Variants in BRINP2 observed in about 807,000 individuals in gnomAD.
The protein encoded by BRINP2 is BMP/retinoic acid inducible neural specific 2, also known as BMP/retinoic acid-inducible neural-specific protein 2.
Under a neutral mutation model 69.2 loss-of-function variants are expected in BRINP2, and 21 were observed. That is an observed-to-expected ratio of 0.30 (90% CI 0.22 to 0.44). BRINP2 has a LOEUF of 0.44. BRINP2 is among the 20% of genes least tolerant of loss of function. The pLI, the probability that BRINP2 is intolerant of heterozygous loss-of-function variation, is 1.00. For synonymous variants in BRINP2, 380 were observed against 394.1 expected (o/e 0.96, Z 0.42); for missense variants, 877 against 986.0 (o/e 0.89, Z 1.48).
chr1:177,190,829 T>C (rs1648573785), intron 1 of BRINP2, among the ~76,000 whole-genome samples: 1 of 152,236 alleles, frequency 6.6e-6, no homozygotes, highest in Non-Finnish European at 1.5e-5. Context: ...TTAACAGATC[T>C]AAGCCTCTTC....
At chr1:177,257,435 CA>C (rs1443972465) in intron 4 of BRINP2, 51 bp downstream of exon 4, 2 of 1,499,242 alleles carry the variant, frequency 1.3e-6, no homozygotes, top group Admixed American at 2.1e-5. Flanking sequence ...ACTGAGGAAC[CA>C]GGGGGAGGCC....
chr1:177,191,491 G>C (rs551756065), intron 1 of BRINP2, among the ~76,000 whole-genome samples: 10 of 152,094 alleles, frequency 6.6e-5, no homozygotes, highest in African/African-American at 2.4e-4. Flanking sequence ...GTCTAGCTCT[G>C]TCACCCAGGC....
intron 6 of BRINP2, among the ~76,000 whole-genome samples, chr1:177,276,920 A>G (rs563675951): frequency 1.3e-5 from 2 of 151,456 alleles, no homozygotes; most frequent in Non-Finnish European, 2.9e-5. Context: ...TGGTTTGACA[A>G]GCTTTATGAC....
intron 1 of BRINP2, among the ~76,000 whole-genome samples, chr1:177,214,229 C>G (rs1388131299): frequency 6.6e-6 from 1 of 151,946 alleles, no homozygotes; most frequent in South Asian, 2.1e-4. Flanking sequence ...GTTAGGAGTT[C>G]GAGACCAGCC....
intron 2 of BRINP2, among the ~76,000 whole-genome samples, chr1:177,239,647 T>C (rs910759224): frequency 2.0e-5 from 3 of 152,214 alleles, no homozygotes; most frequent in Non-Finnish European, 4.4e-5. Context: ...TGGTCTACTT[T>C]GTAAATTTGA....
intron 1 of BRINP2, among the ~76,000 whole-genome samples, chr1:177,219,911 C>T (rs1194505467): frequency 1.3e-5 from 2 of 152,208 alleles, no homozygotes; most frequent in Non-Finnish European, 2.9e-5. Flanking sequence ...GCTTAAGCAA[C>T]AGAAGCCAGT....
chr1:177,174,359 A>T (rs534342025), intron 1 of BRINP2, among the ~76,000 whole-genome samples: 51 of 152,364 alleles, frequency 3.3e-4, no homozygotes, highest in Admixed American at 2.0e-3. Flanking sequence ...CTCCTCCGGG[A>T]CTAACTTAAA....
chr1:177,195,465 C>A (rs1648715628), intron 1 of BRINP2, among the ~76,000 whole-genome samples: 1 of 150,768 alleles, frequency 6.6e-6, no homozygotes, highest in Non-Finnish European at 1.5e-5. Context: ...AGTCCAGCGC[C>A]CTGCCTTTCC....
chr1:177,281,329 T>C lies in BRINP2; in HGVS notation c.2153T>C (p.Leu718Ser), dbSNP rs1651694828. The change falls in exon 8 of 8, where the codon TTG (leucine) becomes TCG (serine). Residue 718 changes from leucine (L) to serine (S), a missense_variant. Coordinates refer to ENST00000361539, the MANE Select transcript of BRINP2 (RefSeq NM_021165.4). The part of the protein sequence containing the change: ...YTQGSQDSAL[L>S]QLIELRDRVN... The stretch of plus-strand genomic sequence containing the variant: ...CAAGGTTCCCAGGACTCTGCACTCT[T>C]GCAGCTCATTGAGCTCAGGGACCGG... 1.2e-6 allele frequency: 2 copies of C among 1,614,184 alleles called. No individual in the cohort carries two copies. Among genetic ancestry groups the C allele is most frequent in the Non-Finnish European group, 1.7e-6 (2 of 1,180,028 alleles).
chr1:177,204,373 G>T (rs1649009276), intron 1 of BRINP2, among the ~76,000 whole-genome samples: 1 of 151,972 alleles, frequency 6.6e-6, no homozygotes, highest in Non-Finnish European at 1.5e-5. Flanking sequence ...GTCACCAGGG[G>T]GTAAAGTATA....
Position 177,217,307 on chromosome 1 carries a change from T to G in BRINP2, c.-76-12494T>G, listed in dbSNP as rs1649408317. 2.0e-5 allele frequency among the ~76,000 whole-genome samples: 3 copies of G among 152,146 alleles called. No homozygotes were observed. The South Asian group carries it at 6.2e-4, about 32-fold the overall frequency. ...GCTGTTGAAGCTTTCTATTGCATTTTTCAGTTCAGTCACTGTAATCTTCAT... is the reference window on the plus strand; with the variant it reads ...GCTGTTGAAGCTTTCTATTGCATTTGTCAGTTCAGTCACTGTAATCTTCAT... On this transcript the variant is annotated intron_variant, in intron 1 of 7. Transcript: ENST00000361539.
At chr1:177,183,898 A>T (rs973324279) in intron 1 of BRINP2, among the ~76,000 whole-genome samples, 1 of 152,230 alleles carries the variant, frequency 6.6e-6, no homozygotes, top group African/African-American at 2.4e-5. Context: ...ACTGCTAGAT[A>T]GGGAAAAGAG....
intron 1 of BRINP2, among the ~76,000 whole-genome samples, chr1:177,223,202 C>G (rs1405492548): frequency 6.6e-6 from 1 of 152,096 alleles, no homozygotes. Context: ...AAGTATGAAG[C>G]CTCAGCAACT....
intron 2 of BRINP2, among the ~76,000 whole-genome samples, chr1:177,242,436 C>G (rs1462853838): frequency 6.6e-6 from 1 of 152,150 alleles, no homozygotes; most frequent in Admixed American, 6.5e-5. Flanking sequence ...CGATGAACAC[C>G]TCCAGATTTG....
chr1:177,171,397 C>A lies in BRINP2; in HGVS notation c.-412C>A. On this transcript the variant is annotated 5_prime_UTR_variant, in exon 1 of 8. In the 5' UTR this introduces an upstream ATG that the reference lacks. Transcript: ENST00000361539. Reference sequence around the variant, plus strand: ...GCCGAAGCCCCACTTCAAAGATGCTCTGGGAGACCGGGATCCTGGCTGCTC... The same window carrying A: ...GCCGAAGCCCCACTTCAAAGATGCTATGGGAGACCGGGATCCTGGCTGCTC... 1 of 154,846 alleles carries A rather than the reference C, an allele frequency of 6.5e-6. No individual in the cohort carries two copies. The highest frequency in any genetic ancestry group is 1.7e-4 in the South Asian group (1 of 5,802). 9.6% of individuals were successfully genotyped at this position (154,846 alleles called of 1,614,324 possible). A position where few individuals can be genotyped will look rare whatever the true frequency, so the allele number is the denominator to read the frequency against.
intron 1 of BRINP2, among the ~76,000 whole-genome samples, chr1:177,217,206 A>AT (rs1474728660): frequency 6.7e-6 from 1 of 149,930 alleles, no homozygotes; most frequent in South Asian, 2.1e-4. Context: ...CTTTATTATT[A>AT]TTATTTACTC....
At chr1:177,244,592 T>C (rs1171066380) in intron 2 of BRINP2, among the ~76,000 whole-genome samples, 5 of 152,174 alleles carry the variant, frequency 3.3e-5, no homozygotes, top group South Asian at 4.1e-4. Context: ...ATCATGCCAC[T>C]ACACTACACT....
intron 1 of BRINP2, among the ~76,000 whole-genome samples, chr1:177,191,738 G>A (rs1343588970): frequency 1.3e-5 from 2 of 152,246 alleles, no homozygotes; most frequent in East Asian, 1.9e-4. Context: ...ACAGGCGTGA[G>A]CCACCACGCC....
chr1:177,219,371 C>A (rs1649462739), intron 1 of BRINP2, among the ~76,000 whole-genome samples: 1 of 152,198 alleles, frequency 6.6e-6, no homozygotes, highest in African/African-American at 2.4e-5. Context: ...ACAAACAAAG[C>A]ACTTAGTGGT....
Sources: allele counts gnomAD v4.1 joint callset (sites outside exome capture counted in the v4.1 genomes callset), GRCh38; gene constraint gnomAD v4.1.1; transcripts MANE v1.5; gene names NCBI Gene and HGNC (gene_info 2026-07-23, HGNC 2026-07-21).